ITGB1: variants seen among roughly 807,000 people sequenced by gnomAD.
ITGB1 encodes integrin subunit beta 1, also known as integrin beta-1.
In ITGB1, 24 loss-of-function variants were observed where a neutral mutation model predicts 86.5. That is an observed-to-expected ratio of 0.28 (90% CI 0.20 to 0.39). The LOEUF is 0.39. ITGB1 is among the 10% of genes least tolerant of loss of function. The pLI, the probability that ITGB1 is intolerant of heterozygous loss-of-function variation, is 1.00. For synonymous variants in ITGB1, 323 were observed against 316.8 expected (o/e 1.02, Z -0.21); for missense variants, 556 against 946.9 (o/e 0.59, Z 5.42).
intron 8 of ITGB1, 105 bp from the exon 9 acceptor site, chr10:32,922,451 CCTAA>C (rs1333809737): frequency 9.4e-6 from 8 of 854,604 alleles, no homozygotes; most frequent in South Asian, 1.5e-5. Flanking sequence ...CATGTTTCCT[CCTAA>C]CTAACTTTAG....
chr10:32,920,433 C>T (rs1473499252), intron 9 of ITGB1, 48 bp from the exon 10 acceptor site: 3 of 1,560,342 alleles, frequency 1.9e-6, no homozygotes, highest in African/African-American at 2.7e-5. Flanking sequence ...CAAAATGCTA[C>T]TTGAATGCAT....
rs1192033382 is a variant in ITGB1 at position 32,922,698 on chromosome 10, C to G, written c.980G>C (p.Ser327Thr). ...PSIAHLVQKL[S>T]ENNIQTIFAV... ...AAAAATTGTCTGAATATTATTTTCA[C>G]TCAGTTTCTGGACAAGGTGAGCAAT... The change falls in exon 8 of 16, where the codon AGT becomes ACT. Residue 327 changes from serine to threonine, a missense_variant. Physicochemically the swap from Ser to Thr is moderately conservative, Grantham distance 58. Around this residue, in one of 4 missense-constraint regions of ITGB1, gnomAD observed 330 missense variants for 531.5 expected, o/e 0.62. Coordinates refer to ENST00000302278, the MANE Select transcript of ITGB1 (RefSeq NM_002211.4). 1 of 1,606,768 alleles carries G rather than the reference C, an allele frequency of 6.2e-7. No homozygotes were observed. Among genetic ancestry groups the G allele is most frequent in the East Asian group, 2.2e-5 (1 of 44,658 alleles).
At chr10:32,933,730 C>G (rs1014695773) in intron 2 of ITGB1, 1 of 152,110 alleles carries the variant, frequency 6.6e-6, no homozygotes, top group Non-Finnish European at 1.5e-5. Context: ...TATATTAATA[C>G]ATGTATTATT....
At chr10:32,912,629 T>C (rs1303201983) in intron 11 of ITGB1, among the ~76,000 whole-genome samples, 1 of 152,130 alleles carries the variant, frequency 6.6e-6, no homozygotes, top group Non-Finnish European at 1.5e-5. Context: ...GTATCCCCCA[T>C]TGCTGAGGCT....
intron 11 of ITGB1, among the ~76,000 whole-genome samples, chr10:32,916,445 C>A (rs548648539): frequency 6.6e-6 from 1 of 152,194 alleles, no homozygotes; most frequent in Non-Finnish European, 1.5e-5. Flanking sequence ...AAAACCCCAT[C>A]GTCTCAGCCC....
At position 32,915,257 on chromosome 10, in the gene ITGB1, T is replaced by G. The variant is rs376007005; in HGVS notation, c.1470-3133A>C. Reference sequence around the variant, plus strand: ...ACCCTAACATCACAATTAAAAGAACTAGAGAAGCAAGAGCAAACACATTCA... The same window carrying G: ...ACCCTAACATCACAATTAAAAGAACGAGAGAAGCAAGAGCAAACACATTCA... On this transcript the variant is annotated intron_variant, in intron 11 of 15. Coordinates refer to ENST00000302278, the MANE Select transcript of ITGB1 (RefSeq NM_002211.4). Among the ~76,000 whole-genome samples, 1,264 of 152,150 alleles carry G rather than the reference T, an allele frequency of 8.3e-3. 17 individuals carry two copies. Among genetic ancestry groups the G allele is most frequent in the African/African-American group, 0.026 (1,089 of 41,504 alleles).
intron 1 of ITGB1, among the ~76,000 whole-genome samples, chr10:32,941,016 TA>T (rs2095017031): frequency 6.6e-6 from 1 of 152,150 alleles, no homozygotes; most frequent in Admixed American, 6.5e-5. Context: ...ATGGTTTCAG[TA>T]ATAAACAAGG....
At chr10:32,920,508 A>C in intron 9 of ITGB1, 123 bp from the exon 10 acceptor site, 1 of 776,164 alleles carries the variant, frequency 1.3e-6, no homozygotes, top group East Asian at 2.6e-5. Context: ...AGCCAAATCC[A>C]ATTGAGTAAC....
chr10:32,950,616 C>G (rs1185996619), intron 1 of ITGB1, among the ~76,000 whole-genome samples: 1 of 151,880 alleles, frequency 6.6e-6, no homozygotes, highest in African/African-American at 2.4e-5. Context: ...AGATGTAACA[C>G]CACATTTGAA....
Position 32,944,340 on chromosome 10 carries a change from G to C in ITGB1, c.1-8782C>G, listed in dbSNP as rs191694198. 4.9e-4 allele frequency: 105 copies of C among 215,366 alleles called. 1 individual carries two copies. The Middle Eastern group carries it at 8.5e-3, about 17-fold the overall frequency. 13.3% of individuals were successfully genotyped at this position (215,366 alleles called of 1,614,324 possible). On this transcript the variant is annotated intron_variant, in intron 1 of 15. Coordinates refer to ENST00000302278, the MANE Select transcript of ITGB1 (RefSeq NM_002211.4). ...TGGGCCTGGGCGGCAGAGAAGGTAAGTTCACAGGCTGGGCCAAAGCCCTTG... is the reference window on the plus strand; with the variant it reads ...TGGGCCTGGGCGGCAGAGAAGGTAACTTCACAGGCTGGGCCAAAGCCCTTG...
chr10:32,935,651 CT>C, intron 1 of ITGB1, 93 bp from the exon 2 acceptor site: 1 of 858,260 alleles, frequency 1.2e-6, no homozygotes, highest in Non-Finnish European at 1.9e-6. Flanking sequence ...CCTTCTATTG[CT>C]TTTATAAACA....
intron 1 of ITGB1, among the ~76,000 whole-genome samples, chr10:32,938,585 C>G (rs2457707): frequency 0.34 from 52,057 of 152,200 alleles, 11,362 homozygotes; most frequent in Non-Finnish European, 0.5. Context: ...CCTTCTGAAA[C>G]CCTTGTGCCT....
intron 15 of ITGB1, chr10:32,906,541 T>C (rs1439990013): frequency 4.7e-6 from 1 of 214,352 alleles, no homozygotes; most frequent in Non-Finnish European, 1.0e-5. Context: ...AGTGAGCTGA[T>C]ATCACACCAC....
chr10:32,928,756 T>G (rs1224817338), intron 4 of ITGB1, among the ~76,000 whole-genome samples: 1 of 150,732 alleles, frequency 6.6e-6, no homozygotes, highest in African/African-American at 2.4e-5. Context: ...TTATTTATTA[T>G]TTATTATTTT....
intron 7 of ITGB1, 56 bp from the exon 8 acceptor site, chr10:32,922,791 A>G (rs892526786): frequency 9.4e-5 from 92 of 981,712 alleles, no homozygotes; most frequent in Non-Finnish European, 1.3e-4. Context: ...AATCTCTTCT[A>G]ATTTTTCAAT....
chr10:32,942,756 C>T (rs1420459556), intron 1 of ITGB1, among the ~76,000 whole-genome samples: 1 of 149,092 alleles, frequency 6.7e-6, no homozygotes, highest in Non-Finnish European at 1.5e-5. Flanking sequence ...GTGATCACAT[C>T]TCACTGCAGC....
At chr10:32,916,730 T>C (rs918783366) in intron 11 of ITGB1, among the ~76,000 whole-genome samples, 12 of 152,142 alleles carry the variant, frequency 7.9e-5, no homozygotes, top group African/African-American at 2.7e-4. Flanking sequence ...TGCTCATGGA[T>C]AGGAAGAATC....
At chr10:32,902,532 A>C (rs188933972) in intron 15 of ITGB1, among the ~76,000 whole-genome samples, 166 of 152,346 alleles carry the variant, frequency 1.1e-3, no homozygotes, top group Non-Finnish European at 1.6e-3. Flanking sequence ...AGTGTGACCA[A>C]ATAACACTTA....
chr10:32,913,579 A>T (rs1163902078), intron 11 of ITGB1, among the ~76,000 whole-genome samples: 1 of 152,236 alleles, frequency 6.6e-6, no homozygotes, highest in Non-Finnish European at 1.5e-5. Context: ...GTGATTGAAG[A>T]TCAAATGAAT....
Sources: allele counts gnomAD v4.1 joint callset (sites outside exome capture counted in the v4.1 genomes callset), GRCh38; gene constraint gnomAD v4.1.1; regional missense constraint gnomAD v4.1.1; transcripts MANE v1.5; gene names NCBI Gene and HGNC (gene_info 2026-07-23, HGNC 2026-07-21).